PARD3B: variants seen among roughly 807,000 people sequenced by gnomAD.
The protein encoded by PARD3B is par-3 family cell polarity regulator beta.
Under a neutral mutation model 130.2 loss-of-function variants are expected in PARD3B, and 103 were observed. The ratio of observed to expected loss-of-function variants is 0.79; its 90% confidence interval spans 0.67 to 0.93. PARD3B has a LOEUF of 0.93. PARD3B is among the 40% of genes least tolerant of loss of function. PARD3B has a pLI of 0.00. For missense variants in PARD3B, 1,609 were observed against 1,499.2 expected (o/e 1.07, Z -1.21); for synonymous variants, 583 against 553.2 (o/e 1.05, Z -0.76).
rs181859169 is a variant in PARD3B at position 205,000,385 on chromosome 2, G to T, written c.394+35062G>T. Reference sequence around the variant, plus strand: ...TGAGTGTGTGTAGTGGTTGGGGGACGAGATAAGGTTAGAGAAATAACCTTT... The same window carrying T: ...TGAGTGTGTGTAGTGGTTGGGGGACTAGATAAGGTTAGAGAAATAACCTTT... On this transcript the variant is annotated intron_variant, in intron 3 of 22. Transcript: ENST00000406610. Among the ~76,000 whole-genome samples the T allele has an allele frequency of 1.4e-3, 211 of 152,234 alleles. 1 individual carries two copies. Among genetic ancestry groups the T allele is most frequent in the African/African-American group, 4.5e-3 (188 of 41,546 alleles).
chr2:205,172,088 T>G, intron 11 of PARD3B, 123 bp from the exon 12 acceptor site: 1 of 934,762 alleles, frequency 1.1e-6, no homozygotes, highest in Non-Finnish European at 1.6e-6. Context: ...ATAAATCACT[T>G]CTAACAGCTA....
intron 1 of PARD3B, among the ~76,000 whole-genome samples, chr2:204,642,706 G>C (rs1013688539): frequency 6.6e-6 from 1 of 151,966 alleles, no homozygotes; most frequent in Non-Finnish European, 1.5e-5. Context: ...GTTTCATGTC[G>C]AATTGTAATT....
chr2:205,517,466 C>G (rs1372892434), intron 21 of PARD3B, among the ~76,000 whole-genome samples: 4 of 151,902 alleles, frequency 2.6e-5, no homozygotes, highest in African/African-American at 7.3e-5. Flanking sequence ...GGATCTTCTC[C>G]TTTTTCTTCT....
At chr2:204,854,962 C>T (rs987443125) in intron 2 of PARD3B, among the ~76,000 whole-genome samples, 6 of 151,930 alleles carry the variant, frequency 3.9e-5, no homozygotes, top group African/African-American at 9.7e-5. Context: ...GACCAGTGGG[C>T]GGTGGATGCG....
At chr2:205,026,578 A>G (rs899862900) in intron 3 of PARD3B, among the ~76,000 whole-genome samples, 3 of 152,026 alleles carry the variant, frequency 2.0e-5, no homozygotes, top group African/African-American at 7.3e-5. Context: ...ATTTCAGGTA[A>G]ACAACACAGT....
intron 16 of PARD3B, among the ~76,000 whole-genome samples, chr2:205,257,108 A>G (rs2040121521): frequency 6.6e-6 from 1 of 152,166 alleles, no homozygotes; most frequent in South Asian, 2.1e-4. Context: ...ACAGACTTAT[A>G]ATTAGGGGGT....
chr2:205,004,633 G>A (rs1695105508), intron 3 of PARD3B, among the ~76,000 whole-genome samples: 1 of 152,164 alleles, frequency 6.6e-6, no homozygotes, highest in Non-Finnish European at 1.5e-5. Context: ...TGTGAAAAAT[G>A]TTAAGTTGCC....
In PARD3B at chr2:204,581,483, C is replaced by A. The variant is rs76249918; in HGVS notation, c.120+35364C>A. ...TTTTTTTTATTTTTTTAAAAACTCA[C>A]TGGAGAAAGGAACAGTGTTGTGGGG... On this transcript the variant is annotated intron_variant, in intron 1 of 22. Coordinates refer to ENST00000406610, the MANE Select transcript of PARD3B (RefSeq NM_001302769.2). Among the ~76,000 whole-genome samples, 46 of 151,520 alleles carry A rather than the reference C, an allele frequency of 3.0e-4. 1 individual carries two copies. The East Asian group carries it at 8.3e-3, about 27-fold the overall frequency.
intron 21 of PARD3B, among the ~76,000 whole-genome samples, chr2:205,504,292 A>C (rs570086382): frequency 6.6e-6 from 1 of 152,322 alleles, no homozygotes; most frequent in Admixed American, 6.5e-5. Context: ...TAAAAACCCT[A>C]GAAGAAAACC....
intron 4 of PARD3B, among the ~76,000 whole-genome samples, chr2:205,066,265 G>A (rs2125469653): frequency 6.6e-6 from 1 of 152,284 alleles, no homozygotes; most frequent in Non-Finnish European, 1.5e-5. Flanking sequence ...TTGTCTGGCA[G>A]GAGTCCTGAC....
chr2:205,495,570 C>G (rs1390637640), intron 20 of PARD3B, among the ~76,000 whole-genome samples: 1 of 152,152 alleles, frequency 6.6e-6, no homozygotes, highest in Non-Finnish European at 1.5e-5. Context: ...TTTCTAGAAT[C>G]AGTGCTGCTA....
chr2:204,635,798 A>G (rs1386737318), intron 1 of PARD3B, among the ~76,000 whole-genome samples: 2 of 152,232 alleles, frequency 1.3e-5, no homozygotes, highest in African/African-American at 2.4e-5. Context: ...AAGATAATAT[A>G]TGTGAAAATG....
At chr2:204,845,551 T>G (rs1015178548) in intron 2 of PARD3B, among the ~76,000 whole-genome samples, 1 of 152,154 alleles carries the variant, frequency 6.6e-6, no homozygotes, top group Non-Finnish European at 1.5e-5. Context: ...TGTCCTTGTT[T>G]GTTCTGTAGT....
chr2:204,612,499 T>G (rs1229660642), intron 1 of PARD3B, among the ~76,000 whole-genome samples: 2 of 152,232 alleles, frequency 1.3e-5, no homozygotes, highest in Non-Finnish European at 2.9e-5. Context: ...AATACATTTC[T>G]TTGATCTTCT....
chr2:205,498,730 A>G (rs950022101), intron 20 of PARD3B, among the ~76,000 whole-genome samples: 1 of 152,116 alleles, frequency 6.6e-6, no homozygotes, highest in Non-Finnish European at 1.5e-5. Flanking sequence ...TACCTGGAAT[A>G]TCCTCCTCTC....
At chr2:205,259,569 G>A (rs1220250011) in intron 16 of PARD3B, among the ~76,000 whole-genome samples, 2 of 151,382 alleles carry the variant, frequency 1.3e-5, no homozygotes, top group East Asian at 1.9e-4. Context: ...TTCTTGGTAT[G>A]TGGTATGACT....
rs1277653171 is a variant in PARD3B at position 205,292,426 on chromosome 2, G to T, written c.2186-8104G>T. ...AGAACTGCGAGAAAATTCCATTGTTGATAAGCCACCCAGTCTATGGTATTT... is the reference window on the plus strand; with the variant it reads ...AGAACTGCGAGAAAATTCCATTGTTTATAAGCCACCCAGTCTATGGTATTT... On this transcript the variant is annotated intron_variant, in intron 16 of 22. Transcript: ENST00000406610. This position sits in a 1 kb window ranked among gnomAD's most constrained non-coding sequence, Gnocchi z 5.3. 2.0e-5 allele frequency among the ~76,000 whole-genome samples: 3 copies of T among 152,082 alleles called. No individual in the cohort carries two copies. Among genetic ancestry groups the T allele is most frequent in the Non-Finnish European group, 4.4e-5 (3 of 68,020 alleles).
rs1488824269 is a variant in PARD3B at position 205,421,015 on chromosome 2, C to T, written c.2742-19355C>T. ...AATTAGCTGGATGTGGTGGGGCGTG[C>T]CCATAGTCCCAGCTACTCGGGGGGC... On this transcript the variant is annotated intron_variant, in intron 19 of 22. Coordinates refer to ENST00000406610, the MANE Select transcript of PARD3B (RefSeq NM_001302769.2). This position sits in a 1 kb window ranked among gnomAD's most constrained non-coding sequence, Gnocchi z 5.1. Among the ~76,000 whole-genome samples, 3 of 152,088 alleles carry T rather than the reference C, an allele frequency of 2.0e-5. No homozygotes were observed. The highest frequency in any genetic ancestry group is 2.0e-4 in the Admixed American group (3 of 15,268).
At chr2:204,684,509 A>C (rs559129875) in intron 1 of PARD3B, among the ~76,000 whole-genome samples, 6 of 152,186 alleles carry the variant, frequency 3.9e-5, no homozygotes, top group Admixed American at 3.9e-4. Flanking sequence ...CATGGCCATA[A>C]CAAAAAAGAT....
Sources: allele counts gnomAD v4.1 joint callset (sites outside exome capture counted in the v4.1 genomes callset), GRCh38; gene constraint gnomAD v4.1.1; non-coding constraint Gnocchi (gnomAD v3.1); transcripts MANE v1.5; gene names NCBI Gene and HGNC (gene_info 2026-07-23, HGNC 2026-07-21).